Variants in ZMYND11 observed in about 807,000 individuals in gnomAD.
ZMYND11 encodes zinc finger MYND domain-containing protein 11.
Under a neutral mutation model 84.9 loss-of-function variants are expected in ZMYND11, and 9 were observed. The observed-to-expected ratio is 0.11, with a 90% confidence interval of 0.06 to 0.18. The LOEUF (loss-of-function observed/expected upper bound fraction) is 0.18, where lower values mean the gene tolerates loss of function less well. ZMYND11 is among the 10% of genes least tolerant of loss of function. The pLI, the probability that ZMYND11 is intolerant of heterozygous loss-of-function variation, is 1.00. For synonymous variants in ZMYND11, 250 were observed against 244.1 expected, an observed-to-expected ratio of 1.02 and a Z score of -0.23; for missense variants, 409 against 761.0, an observed-to-expected ratio of 0.54 and a Z score of 5.44.
intron 2 of ZMYND11, among the ~76,000 whole-genome samples, chr10:200,123 C>G (rs183983063): frequency 3.4e-4 from 51 of 151,082 alleles, no homozygotes; most frequent in Non-Finnish European, 6.6e-4. Context: ...CTAAAACACT[C>G]TAACAGAGGT....
intron 1 of ZMYND11, among the ~76,000 whole-genome samples, chr10:136,775 A>G (rs782534363): frequency 6.6e-6 from 1 of 152,086 alleles, no homozygotes; most frequent in African/African-American, 2.4e-5. Flanking sequence ...TTGGGGTCAT[A>G]TATGGTGTGT....
chr10:239,735 C>G (rs901313919), intron 7 of ZMYND11, among the ~76,000 whole-genome samples: 6 of 152,152 alleles, frequency 3.9e-5, no homozygotes, highest in African/African-American at 1.4e-4. Context: ...GATGAAAACA[C>G]AATTACTCTT....
chr10:236,807 G>T, intron 4 of ZMYND11, 31 bp from the exon 5 acceptor site: 1 of 1,567,622 alleles, frequency 6.4e-7, no homozygotes, highest in Non-Finnish European at 8.8e-7. Flanking sequence ...ATCAGATTTT[G>T]TACCTTTTTT....
chr10:227,241 C>A (rs893456038), intron 4 of ZMYND11, among the ~76,000 whole-genome samples: 7 of 152,174 alleles, frequency 4.6e-5, no homozygotes, highest in Non-Finnish European at 1.0e-4. Flanking sequence ...TTTGGTGGTT[C>A]TTCCACGTTA....
chr10:246,123 T>C (rs904971083), intron 10 of ZMYND11, among the ~76,000 whole-genome samples: 5 of 152,208 alleles, frequency 3.3e-5, no homozygotes, highest in Non-Finnish European at 5.9e-5. Flanking sequence ...GTAGTTGTCC[T>C]GCTCTAGTTT....
chr10:230,994 T>C (rs575763055), intron 4 of ZMYND11, among the ~76,000 whole-genome samples: 2 of 152,330 alleles, frequency 1.3e-5, no homozygotes, highest in South Asian at 2.1e-4. Flanking sequence ...GAATGACTTT[T>C]ACGTTTTCAG....
chr10:154,082 C>G (rs1160691625), intron 1 of ZMYND11, among the ~76,000 whole-genome samples: 1 of 152,194 alleles, frequency 6.6e-6, no homozygotes, highest in Non-Finnish European at 1.5e-5. Flanking sequence ...GATCGTCATC[C>G]CATGAATCCA....
chr10:245,439 G>A (rs751153010), intron 10 of ZMYND11, among the ~76,000 whole-genome samples: 1 of 152,122 alleles, frequency 6.6e-6, no homozygotes, highest in Non-Finnish European at 1.5e-5. Flanking sequence ...TTTCTGGAGC[G>A]CTATAATTAC....
rs1043870228 is a variant in ZMYND11 at position 239,924 on chromosome 10, C to T, written c.698-132C>T. On this transcript the variant is annotated intron_variant, in intron 7 of 14. Transcript: ENST00000381604. Reference sequence around the variant, plus strand: ...TGCCTGTGTAATTTTATTTTGCTATCGTTATTTTAAATGGACATTTTGGTT... The same window carrying T: ...TGCCTGTGTAATTTTATTTTGCTATTGTTATTTTAAATGGACATTTTGGTT... 23 of 663,324 alleles carry T rather than the reference C, an allele frequency of 3.5e-5. No homozygotes were observed. The South Asian group carries it at 4.7e-4, about 13-fold the overall frequency. 41.1% of individuals were successfully genotyped at this position (663,324 alleles called of 1,614,324 possible).
At chr10:191,051 ATAT>A (rs1361502331) in intron 2 of ZMYND11, among the ~76,000 whole-genome samples, 1 of 152,164 alleles carries the variant, frequency 6.6e-6, no homozygotes, top group Non-Finnish European at 1.5e-5. Flanking sequence ...AACTTTAATA[ATAT>A]TCAGCTGTGT....
chr10:195,089 C>A (rs1051322022), intron 2 of ZMYND11, among the ~76,000 whole-genome samples: 2 of 152,178 alleles, frequency 1.3e-5, no homozygotes, highest in African/African-American at 2.4e-5. Context: ...TAGTTAGACT[C>A]ACAAACTGAC....
chr10:158,451 C>G (rs1158781726), intron 1 of ZMYND11, among the ~76,000 whole-genome samples: 1 of 149,394 alleles, frequency 6.7e-6, no homozygotes, highest in African/African-American at 2.5e-5. Flanking sequence ...CAGGGTCTCG[C>G]TGTGTCACCC....
intron 14 of ZMYND11, 162 bp downstream of exon 14, chr10:249,250 A>G (rs894225044): frequency 2.2e-5 from 32 of 1,452,126 alleles, no homozygotes; most frequent in Non-Finnish European, 2.6e-5. Context: ...TAAAAGTCCT[A>G]TGATCTCTCA....
intron 1 of ZMYND11, among the ~76,000 whole-genome samples, chr10:155,788 G>C (rs1370445049): frequency 6.6e-6 from 1 of 152,148 alleles, no homozygotes; most frequent in Non-Finnish European, 1.5e-5. Flanking sequence ...ATTCAGAGGG[G>C]AACTTCCACC....
chr10:187,217 A>C (rs2448372), intron 2 of ZMYND11, among the ~76,000 whole-genome samples: 140,097 of 152,054 alleles, frequency 0.92, 64,944 homozygotes, highest in Non-Finnish European at 0.97. Context: ...CAGAGTGAGA[A>C]CCTGTCTCAA....
intron 2 of ZMYND11, among the ~76,000 whole-genome samples, chr10:184,442 C>A (rs1848514577): frequency 6.6e-6 from 1 of 152,018 alleles, no homozygotes; most frequent in Non-Finnish European, 1.5e-5. Context: ...ACTGCAACCT[C>A]TTTTTATGTA....
intron 1 of ZMYND11, among the ~76,000 whole-genome samples, chr10:161,864 C>T (rs1355035945): frequency 1.3e-5 from 2 of 152,152 alleles, no homozygotes; most frequent in Non-Finnish European, 2.9e-5. Context: ...TTTTCCAAAG[C>T]AGCAATAAGG....
Position 246,780 on chromosome 10 carries a change from C to T in ZMYND11, c.965C>T (p.Ser322Phe), listed in dbSNP as rs1952247219. The T allele has an allele frequency of 1.2e-6, 2 of 1,614,112 alleles. No homozygotes were observed. The highest frequency in any genetic ancestry group is 1.7e-6 in the Non-Finnish European group (2 of 1,180,014). ...GHHHQRAWIPSENIQDITVNI... is the reference protein window; with the variant it reads ...GHHHQRAWIPFENIQDITVNI... ...GTTTTTCCTAGGGCCTGGATTCCTTCTGAAAACATTCAAGATATCACAGTC... is the reference window on the plus strand; with the variant it reads ...GTTTTTCCTAGGGCCTGGATTCCTTTTGAAAACATTCAAGATATCACAGTC... The change falls in exon 11 of 15, where the codon TCT becomes TTT. Residue 322 changes from serine to phenylalanine, a missense_variant. Ser to Phe is a radical substitution (Grantham distance 155). Around this residue, in one of 7 missense-constraint regions of ZMYND11, gnomAD observed 59 missense variants for 151.0 expected, o/e 0.39. Coordinates refer to ENST00000381604, the MANE Select transcript of ZMYND11 (RefSeq NM_001370100.5).
At chr10:239,306 C>T (rs1950504637) in intron 6 of ZMYND11, 132 bp from the exon 7 acceptor site, 1 of 687,838 alleles carries the variant, frequency 1.5e-6, no homozygotes, top group Non-Finnish European at 2.5e-6. Flanking sequence ...CACACATTCT[C>T]TGTCAATACT....
Sources: allele counts gnomAD v4.1 joint callset (sites outside exome capture counted in the v4.1 genomes callset), GRCh38; gene constraint gnomAD v4.1.1; regional missense constraint gnomAD v4.1.1; transcripts MANE v1.5; gene names NCBI Gene and HGNC (gene_info 2026-07-23, HGNC 2026-07-21).